Variants in KCNV2 observed in about 807,000 individuals in gnomAD.
The protein encoded by KCNV2 is potassium voltage-gated channel modifier subfamily V member 2.
A neutral mutation model predicts 37.0 loss-of-function variants in KCNV2; 65 were observed. The observed-to-expected ratio is 1.76, with a 90% CI of 1.44 to 2.16. The LOEUF is 2.16. Among genes scored for constraint, KCNV2 ranks in the 30% most tolerant of loss-of-function variants. KCNV2 has a pLI of 0.00. For missense variants in KCNV2, 1,232 were observed against 766.7 expected (o/e 1.61, Z -7.17); for synonymous variants, 518 against 328.6 (o/e 1.58, Z -6.23).
At position 2,717,949 on chromosome 9, in the gene KCNV2, C is replaced by T; in HGVS notation, c.210C>T (p.Asp70=). Residue 70 remains aspartate (D), a synonymous_variant, in exon 1 of 2, where the codon GAC becomes GAT. Coordinates refer to ENST00000382082, the MANE Select transcript of KCNV2 (RefSeq NM_133497.4). ...DGEEEDQWKD[D]LAEEDQQAGE... is the part of the protein sequence containing the mutation. ...AGGAGGAGGACCAGTGGAAGGACGA[C>T]CTGGCAGAAGAGGACCAGCAGGCAG... 6.2e-7 allele frequency: 1 copy of T among 1,614,014 alleles called. No homozygotes were observed. Among genetic ancestry groups the T allele is most frequent in the South Asian group, 1.1e-5 (1 of 91,082 alleles).
chr9:2,728,782 C>A (rs907487203), intron 1 of KCNV2, among the ~76,000 whole-genome samples: 1 of 151,492 alleles, frequency 6.6e-6, no homozygotes, highest in Non-Finnish European at 1.5e-5. Context: ...AGTTTCATGC[C>A]TTTTGTATGC....
At position 2,729,630 on chromosome 9, in the gene KCNV2, A is replaced by G. The variant is rs763639610; in HGVS notation, c.1541A>G (p.Glu514Gly). 1.2e-6 allele frequency: 2 copies of G among 1,614,096 alleles called. No individual in the cohort carries two copies. Among genetic ancestry groups the G allele is most frequent in the Admixed American group, 1.7e-5 (1 of 60,016 alleles). The change falls in exon 2 of 2, where the codon GAG becomes GGG. Residue 514 changes from glutamate (E) to glycine (G), a missense_variant. Glu to Gly is a moderately conservative substitution (Grantham distance 98). Coordinates refer to ENST00000382082, the MANE Select transcript of KCNV2 (RefSeq NM_133497.4). The stretch of plus-strand genomic sequence containing the variant: ...TATGAGTATACCACCATACGCAGGG[A>G]GAGGGGAGAGGTGAACTTCATGCAG... ...KAYEYTTIRR[E>G]RGEVNFMQRA... is the part of the protein sequence containing the mutation.
chr9:2,720,861 T>C (rs1038054924), intron 1 of KCNV2, among the ~76,000 whole-genome samples: 22 of 152,174 alleles, frequency 1.4e-4, no homozygotes, highest in African/African-American at 5.1e-4. Context: ...TTAATTAAAA[T>C]AAAACACATA....
chr9:2,724,448 T>C (rs1041964846), intron 1 of KCNV2, among the ~76,000 whole-genome samples: 1 of 151,974 alleles, frequency 6.6e-6, no homozygotes, highest in Admixed American at 6.6e-5. Context: ...GTTAGAAGAC[T>C]AGAAGAAGAA....
Position 2,718,328 on chromosome 9 carries a change from C to T in KCNV2, c.589C>T (p.Arg197Cys), listed in dbSNP as rs1284617120. The change falls in exon 1 of 2, where the codon CGC becomes TGC. Residue 197 changes from arginine (R) to cysteine (C), a missense_variant. By Grantham distance (180) the Arg-to-Cys change is radical (BLOSUM62 -3). Transcript: ENST00000382082. ...GGGCGTGCGGCTCAAGTACACGCCA[C>T]GCTGCTGCCGCATCTGCTTCGAGGA... Reference protein sequence around the residue: ...YWGVRLKYTPRCCRICFEERR... With the variant: ...YWGVRLKYTPCCCRICFEERR... 3.1e-6 allele frequency: 5 copies of T among 1,603,214 alleles called. 1 individual carries two copies. The South Asian group carries it at 4.4e-5, about 14-fold the overall frequency.
intron 1 of KCNV2, among the ~76,000 whole-genome samples, chr9:2,725,455 C>A (rs548926674): frequency 2.6e-4 from 40 of 152,330 alleles, no homozygotes; most frequent in African/African-American, 9.1e-4. Flanking sequence ...ATAGTTAAGA[C>A]ACTTTAGTTT....
intron 1 of KCNV2, among the ~76,000 whole-genome samples, chr9:2,727,865 G>A (rs757195029): frequency 1.3e-5 from 2 of 152,088 alleles, no homozygotes; most frequent in African/African-American, 2.4e-5. Flanking sequence ...TATTCAGCTG[G>A]GAAGTGGATT....
chr9:2,718,914 G>T lies in KCNV2; in HGVS notation c.1175G>T (p.Arg392Leu). The T allele has an allele frequency of 6.2e-7, 1 of 1,609,026 alleles. No individual in the cohort carries two copies. Among genetic ancestry groups the T allele is most frequent in the Non-Finnish European group, 8.5e-7 (1 of 1,180,000 alleles). ...ATCTTCCGCATCCTCAAGCTGGCGC[G>T]CCACTCCACCGGACTGCGTGCCTTC... The part of the protein sequence containing the change: ...MRIFRILKLA[R>L]HSTGLRAFGF... Residue 392 changes from arginine to leucine, a missense_variant, in exon 1 of 2, where the codon CGC becomes CTC. Coordinates refer to ENST00000382082, the MANE Select transcript of KCNV2 (RefSeq NM_133497.4).
At chr9:2,723,821 G>A (rs943979667) in intron 1 of KCNV2, among the ~76,000 whole-genome samples, 6 of 152,146 alleles carry the variant, frequency 3.9e-5, no homozygotes, top group African/African-American at 1.4e-4. Flanking sequence ...ACAGGCCCAC[G>A]CCTAAAGCAG....
At chr9:2,729,127 A>G (rs574861737) in intron 1 of KCNV2, among the ~76,000 whole-genome samples, 1 of 152,318 alleles carries the variant, frequency 6.6e-6, no homozygotes, top group Non-Finnish European at 1.5e-5. Context: ...GGTACTTAAC[A>G]TACTATTTTA....
In KCNV2 at chr9:2,718,277, C is replaced by G; in HGVS notation, c.538C>G (p.Arg180Gly). The G allele has an allele frequency of 4.3e-6, 7 of 1,611,942 alleles. No homozygotes were observed. Among genetic ancestry groups the G allele is most frequent in the Non-Finnish European group, 5.9e-6 (7 of 1,179,836 alleles). ...GGTGCTCGACGGGCTGTGTCCGCGC[C>G]GCTTCCTGGAGGAGCTGGGCTACTG... ...LLVLDGLCPR[R>G]FLEELGYWGV... is the part of the protein sequence containing the mutation. The change falls in exon 1 of 2, where the codon CGC becomes GGC. Residue 180 changes from arginine to glycine, a missense_variant. Coordinates refer to ENST00000382082, the MANE Select transcript of KCNV2 (RefSeq NM_133497.4).
chr9:2,720,311 C>G (rs1819842347), intron 1 of KCNV2, among the ~76,000 whole-genome samples: 2 of 152,278 alleles, frequency 1.3e-5, no homozygotes, highest in Admixed American at 6.5e-5. Flanking sequence ...ACTGTGAAAC[C>G]TTAATCCCTC....
Position 2,718,320 on chromosome 9 carries a change from A to G in KCNV2, c.581A>G (p.Tyr194Cys), listed in dbSNP as rs1384318414. 6 of 1,605,900 alleles carry G rather than the reference A, an allele frequency of 3.7e-6. No homozygotes were observed. The South Asian group carries it at 5.5e-5, about 15-fold the overall frequency. The change falls in exon 1 of 2, where the codon TAC becomes TGC. Residue 194 changes from tyrosine (Y) to cysteine (C), a missense_variant. Physicochemically the swap from Tyr to Cys is radical, Grantham distance 194. Transcript: ENST00000382082. ...ELGYWGVRLK[Y>C]TPRCCRICFE... ...GGCTACTGGGGCGTGCGGCTCAAGTACACGCCACGCTGCTGCCGCATCTGC... is the reference window on the plus strand; with the variant it reads ...GGCTACTGGGGCGTGCGGCTCAAGTGCACGCCACGCTGCTGCCGCATCTGC...
chr9:2,717,676 T>A lies in KCNV2; in HGVS notation c.-64T>A. 2.5e-6 allele frequency: 4 copies of A among 1,604,874 alleles called. No individual in the cohort carries two copies. In the South Asian group the frequency reaches 4.4e-5, roughly 18 times the overall value. On this transcript the variant is annotated 5_prime_UTR_variant, in exon 1 of 2. Transcript: ENST00000382082. ...ACGTGATCCATCCTCCTAGAGGCAG[T>A]GAGCAGGTGAGGGACCCCTACCACA... is the stretch of plus-strand genomic sequence containing the variant.
intron 1 of KCNV2, among the ~76,000 whole-genome samples, chr9:2,729,064 G>A (rs1411719498): frequency 6.6e-6 from 1 of 152,070 alleles, no homozygotes; most frequent in Non-Finnish European, 1.5e-5. Context: ...CCTGAATCTG[G>A]TGCCAGCTGA....
chr9:2,722,440 TAA>T (rs1471393579), intron 1 of KCNV2, among the ~76,000 whole-genome samples: 13 of 138,248 alleles, frequency 9.4e-5, no homozygotes, highest in Admixed American at 8.6e-4. Flanking sequence ...TATTTATAAA[TAA>T]GTTATTTATA....
At chr9:2,721,739 T>C (rs1219072023) in intron 1 of KCNV2, among the ~76,000 whole-genome samples, 1 of 152,124 alleles carries the variant, frequency 6.6e-6, no homozygotes, top group Non-Finnish European at 1.5e-5. Flanking sequence ...ATTTCAGGTA[T>C]TGGCATAGCT....
chr9:2,718,847 G>A lies in KCNV2; in HGVS notation c.1108G>A (p.Gly370Ser). Residue 370 changes from glycine to serine, a missense_variant, in exon 1 of 2, where the codon GGT (glycine) becomes AGT (serine). Coordinates refer to ENST00000382082, the MANE Select transcript of KCNV2 (RefSeq NM_133497.4). Reference protein sequence around the residue: ...HQRGQTVGSVGKVGQVLRVMR... With the variant: ...HQRGQTVGSVSKVGQVLRVMR... ...ACGCGGCCAGACGGTGGGCAGCGTGGGTAAGGTGGGTCAGGTGTTGCGCGT... is the reference window on the plus strand; with the variant it reads ...ACGCGGCCAGACGGTGGGCAGCGTGAGTAAGGTGGGTCAGGTGTTGCGCGT... 2 of 1,609,336 alleles carry A rather than the reference G, an allele frequency of 1.2e-6. No homozygotes were observed. The highest frequency in any genetic ancestry group is 1.7e-6 in the Non-Finnish European group (2 of 1,179,930).
rs977508765 is a variant in KCNV2 at position 2,724,806 on chromosome 9, A to T, written c.1357-4640A>T. On this transcript the variant is annotated intron_variant, in intron 1 of 1. Coordinates refer to ENST00000382082, the MANE Select transcript of KCNV2 (RefSeq NM_133497.4). ...ATAACTAGAAGACAGTGGGCAAGAG[A>T]ATCTGGGAAATGTAGTTTGCAGACT... Among the ~76,000 whole-genome samples, 7 of 152,226 alleles carry T rather than the reference A, an allele frequency of 4.6e-5. No individual in the cohort carries two copies. In the South Asian group the frequency reaches 1.0e-3, roughly 23 times the overall value.
Sources: allele counts gnomAD v4.1 joint callset (sites outside exome capture counted in the v4.1 genomes callset), GRCh38; gene constraint gnomAD v4.1.1; transcripts MANE v1.5; gene names NCBI Gene and HGNC (gene_info 2026-07-23, HGNC 2026-07-21).